WRN: variants seen among roughly 807,000 people sequenced by gnomAD.
The protein encoded by WRN is WRN RecQ like helicase, also known as bifunctional 3'-5' exonuclease/ATP-dependent helicase WRN.
In WRN, 149 loss-of-function variants were observed where a neutral mutation model predicts 180.7. That is an observed-to-expected ratio of 0.82 (90% CI 0.72 to 0.94). The LOEUF is 0.94. Ranked by LOEUF, WRN falls within the 40% of genes least tolerant of loss-of-function variation. The probability of loss-of-function intolerance (pLI) is 0.00; values close to 1 mark genes in which losing one functional copy is unlikely to be tolerated. For missense variants in WRN, 1,661 were observed against 1,700.1 expected, an observed-to-expected ratio of 0.98 and a Z score of 0.40; for synonymous variants, 548 against 568.9, an observed-to-expected ratio of 0.96 and a Z score of 0.52.
chr8:31,087,323 A>G (rs1813571097), intron 11 of WRN, among the ~76,000 whole-genome samples: 1 of 152,204 alleles, frequency 6.6e-6, no homozygotes, highest in African/African-American at 2.4e-5. Context: ...TGTTTTGACA[A>G]TTCCAAAACA....
At chr8:31,057,825 T>A (rs1812332521) in intron 1 of WRN, among the ~76,000 whole-genome samples, 1 of 152,130 alleles carries the variant, frequency 6.6e-6, no homozygotes, top group African/African-American at 2.4e-5. Flanking sequence ...GAATTTTGGT[T>A]TACATTGAGG....
At chr8:31,052,544 T>C (rs1375728766) in intron 1 of WRN, among the ~76,000 whole-genome samples, 1 of 152,004 alleles carries the variant, frequency 6.6e-6, no homozygotes, top group African/African-American at 2.4e-5. Context: ...TGCACCACCA[T>C]GTCCAGCTAA....
rs11574159 is a variant in WRN, at chr8:31,033,853, C to A, written c.-197C>A. The A allele has an allele frequency of 6.6e-6, 1 of 152,496 alleles. No individual in the cohort carries two copies. Among genetic ancestry groups the A allele is most frequent in the South Asian group, 2.1e-4 (1 of 4,828 alleles). 9.4% of individuals were successfully genotyped at this position (152,496 alleles called of 1,614,324 possible). On this transcript the variant is annotated 5_prime_UTR_variant, in exon 1 of 35. Coordinates refer to ENST00000298139, the MANE Select transcript of WRN (RefSeq NM_000553.6). ...GGAGGCGCCGGCTTGTACTCGGCAG[C>A]GCGGGAATAAAGTTTGCTGATTTGG... is the stretch of plus-strand genomic sequence containing the variant.
At chr8:31,125,907 G>A (rs1801911872) in intron 23 of WRN, among the ~76,000 whole-genome samples, 1 of 150,778 alleles carries the variant, frequency 6.6e-6, no homozygotes, top group Non-Finnish European at 1.5e-5. Context: ...AAACAACTGA[G>A]CATCATAGGC....
At chr8:31,084,435 C>G (rs1813445934) in intron 10 of WRN, among the ~76,000 whole-genome samples, 1 of 151,908 alleles carries the variant, frequency 6.6e-6, no homozygotes, top group Admixed American at 6.6e-5. Flanking sequence ...GAACTTTTTT[C>G]CTAGTAAAAA....
intron 20 of WRN, among the ~76,000 whole-genome samples, chr8:31,118,932 A>C (rs1464489448): frequency 6.6e-6 from 1 of 151,960 alleles, no homozygotes; most frequent in Non-Finnish European, 1.5e-5. Flanking sequence ...CTGAGAGTTT[A>C]TAAGGATAGT....
chr8:31,070,049 C>T (rs1812847600), intron 7 of WRN, among the ~76,000 whole-genome samples: 1 of 151,802 alleles, frequency 6.6e-6, no homozygotes, highest in Admixed American at 6.6e-5. Flanking sequence ...CACTTTTTTT[C>T]CCCTTTATTA....
chr8:31,099,406 G>A (rs867015451), intron 17 of WRN, among the ~76,000 whole-genome samples: 2 of 149,592 alleles, frequency 1.3e-5, no homozygotes, highest in South Asian at 4.2e-4. Context: ...AAGGAAGGAA[G>A]GAAGGAAGGA....
At chr8:31,067,827 C>G (rs1447604421) in intron 6 of WRN, among the ~76,000 whole-genome samples, 1 of 152,102 alleles carries the variant, frequency 6.6e-6, no homozygotes, top group Non-Finnish European at 1.5e-5. Flanking sequence ...TTGCATCTAT[C>G]AAAGGAATGG....
intron 21 of WRN, among the ~76,000 whole-genome samples, chr8:31,123,024 C>T (rs1234296584): frequency 6.6e-6 from 1 of 151,946 alleles, no homozygotes; most frequent in Non-Finnish European, 1.5e-5. Context: ...TAGTTACTCA[C>T]AACCACGTCC....
chr8:31,143,006 C>G (rs1339423125), intron 27 of WRN, among the ~76,000 whole-genome samples: 2 of 148,028 alleles, frequency 1.4e-5, no homozygotes, highest in African/African-American at 2.5e-5. Context: ...AAATTGATTC[C>G]TAAGTGTTCT....
chr8:31,174,120 T>C lies in WRN; in HGVS notation c.*1018T>C, dbSNP rs1804195608. ...TTGTGTATCCCACCAGACTTTTTTA[T>C]ATTCATTTGTTTTTAGTTAAAATAT... On this transcript the variant is annotated 3_prime_UTR_variant, in exon 35 of 35. Coordinates refer to ENST00000298139, the MANE Select transcript of WRN (RefSeq NM_000553.6). Among the ~76,000 whole-genome samples, 1 of 152,274 alleles carries C rather than the reference T, an allele frequency of 6.6e-6. No individual in the cohort carries two copies. The highest frequency in any genetic ancestry group is 2.4e-5 in the African/African-American group (1 of 41,480).
chr8:31,120,040 A>G (rs928390430), intron 20 of WRN: 5 of 595,596 alleles, frequency 8.4e-6, no homozygotes, highest in Non-Finnish European at 1.5e-5. Flanking sequence ...ATAGAGAGTG[A>G]ACAGAAATCC....
chr8:31,080,714 A>G (rs919387687), intron 8 of WRN, among the ~76,000 whole-genome samples, 153 bp from the exon 9 acceptor site: 6 of 152,154 alleles, frequency 3.9e-5, no homozygotes, highest in Non-Finnish European at 8.8e-5. Context: ...GTAATTATAT[A>G]TGGGCATTAG....
intron 20 of WRN, among the ~76,000 whole-genome samples, chr8:31,117,620 C>T (rs980617200): frequency 6.6e-6 from 1 of 152,104 alleles, no homozygotes; most frequent in Non-Finnish European, 1.5e-5. Context: ...GAAGAGCCCT[C>T]TCCTGAAGTT....
Position 31,175,494 on chromosome 8 carries a change from A to G in WRN, c.*2392A>G, listed in dbSNP as rs1024857870. Among the ~76,000 whole-genome samples, 1 of 152,186 alleles carries G rather than the reference A, an allele frequency of 6.6e-6. No homozygotes were observed. The highest frequency in any genetic ancestry group is 2.4e-5 in the African/African-American group (1 of 41,434). ...TCTGTTCAGAGTACAAGATGGACCAATGGATTTGATATATTTGAATATAAC... is the reference window on the plus strand; with the variant it reads ...TCTGTTCAGAGTACAAGATGGACCAGTGGATTTGATATATTTGAATATAAC... On this transcript the variant is annotated 3_prime_UTR_variant, in exon 35 of 35. Transcript: ENST00000298139.
At chr8:31,163,869 T>C (rs1487958988) in intron 33 of WRN, among the ~76,000 whole-genome samples, 1 of 151,758 alleles carries the variant, frequency 6.6e-6, no homozygotes. Context: ...TTTTTTTTTT[T>C]TGAGACAAGG....
In WRN at chr8:31,161,771, G is replaced by A. The variant is rs369330866; in HGVS notation, c.3982+4241G>A. 2.7e-5 allele frequency among the ~76,000 whole-genome samples: 4 copies of A among 149,784 alleles called. No individual in the cohort carries two copies. The East Asian group carries it at 8.0e-4, about 30-fold the overall frequency. ...GGAGAATTGCTTGAACCCAGGAGGT[G>A]GAGGTTGCAGTGAGTCAAGATTGTG... On this transcript the variant is annotated intron_variant, in intron 33 of 34. Transcript: ENST00000298139.
intron 1 of WRN, among the ~76,000 whole-genome samples, chr8:31,058,138 C>T (rs1812344875): frequency 6.6e-6 from 1 of 152,028 alleles, no homozygotes. Context: ...GAGAAAGACT[C>T]AAAGTCATAA....
Sources: gnomAD v4.1 joint callset for allele counts (sites outside exome capture counted in the v4.1 genomes callset) on GRCh38, gnomAD v4.1.1 for gene constraint, MANE v1.5 for transcripts, NCBI Gene and HGNC (gene_info 2026-07-23, HGNC 2026-07-21) for gene names.